The following PCDHGA6 variants were observed in gnomAD, a reference collection of about 807,000 sequenced individuals.
The protein encoded by PCDHGA6 is protocadherin gamma-A6.
PCDHGA6 carries 41 observed loss-of-function variants against 60.6 expected under a neutral mutation model. The observed-to-expected ratio is 0.68, with a 90% confidence interval of 0.53 to 0.88. PCDHGA6 has a LOEUF of 0.88. Ranked by LOEUF, PCDHGA6 falls within the 40% of genes least tolerant of loss-of-function variation. The pLI is 0.00. For missense variants in PCDHGA6, 1,312 were observed against 1,203.0 expected (o/e 1.09, Z -1.34); for synonymous variants, 594 against 524.4 (o/e 1.13, Z -1.81).
At chr5:141,452,895 A>G (rs527695680) in intron 1 of PCDHGA6, among the ~76,000 whole-genome samples, 16 of 152,312 alleles carry the variant, frequency 1.1e-4, no homozygotes, top group African/African-American at 3.6e-4. Flanking sequence ...TTCCACTTTT[A>G]TTAGTTGGCA....
intron 2 of PCDHGA6, among the ~76,000 whole-genome samples, chr5:141,499,099 C>T (rs1031964059): frequency 1.3e-5 from 2 of 152,156 alleles, no homozygotes; most frequent in Non-Finnish European, 2.9e-5. Context: ...ACATGCTTCT[C>T]CTCCCCACCA....
At position 141,489,063 on chromosome 5, in the gene PCDHGA6, C is replaced by A; in HGVS notation, c.2425-5744C>A. ...CTCCACTCAAATTCAGCTCCCCTCC[C>A]CCCTGCCCACCCCCGCCACTCGGTG... On this transcript the variant is annotated intron_variant, in intron 1 of 3. Coordinates refer to ENST00000517434, the MANE Select transcript of PCDHGA6 (RefSeq NM_018919.3). This position sits in a 1 kb window ranked among gnomAD's most constrained non-coding sequence, Gnocchi z 4.5. 2.6e-6 allele frequency: 1 copy of A among 384,986 alleles called. No individual in the cohort carries two copies. Among genetic ancestry groups the A allele is most frequent in the East Asian group, 4.5e-5 (1 of 22,374 alleles). 23.8% of individuals were successfully genotyped at this position (384,986 alleles called of 1,614,324 possible). A position where few individuals can be genotyped will look rare whatever the true frequency, so the allele number is the denominator to read the frequency against.
In PCDHGA6 at chr5:141,408,733, T is replaced by C. The variant is rs753545231; in HGVS notation, c.2424+32226T>C. The C allele has an allele frequency of 7.5e-6, 12 of 1,610,158 alleles. No individual in the cohort carries two copies. The South Asian group carries it at 1.3e-4, about 18-fold the overall frequency. Reference sequence around the variant, plus strand: ...ATTATAAGATAAACTCTAATCCTTATTTTTCATTAATGGTTAGAGTTAATT... The same window carrying C: ...ATTATAAGATAAACTCTAATCCTTACTTTTCATTAATGGTTAGAGTTAATT... On this transcript the variant is annotated intron_variant, in intron 1 of 3. Transcript: ENST00000517434.
At chr5:141,495,492 G>C (rs1321150765) in intron 2 of PCDHGA6, among the ~76,000 whole-genome samples, 1 of 152,148 alleles carries the variant, frequency 6.6e-6, no homozygotes, top group Non-Finnish European at 1.5e-5. Flanking sequence ...CCTTTTTCTT[G>C]AGTTTCCGTC....
chr5:141,491,293 C>T lies in PCDHGA6; in HGVS notation c.2425-3514C>T. On this transcript the variant is annotated intron_variant, in intron 1 of 3. Transcript: ENST00000517434. This position sits in a 1 kb window ranked among gnomAD's most constrained non-coding sequence, Gnocchi z 6.9. Reference sequence around the variant, plus strand: ...ATCCAGTGACTTCCTCATACACCCTCCTGAGCGTTCAGACCTTACCCTTTA... The same window carrying T: ...ATCCAGTGACTTCCTCATACACCCTTCTGAGCGTTCAGACCTTACCCTTTA... 6.2e-7 allele frequency: 1 copy of T among 1,614,166 alleles called. No homozygotes were observed. The highest frequency in any genetic ancestry group is 1.3e-5 in the African/African-American group (1 of 75,058).
chr5:141,418,908 C>G, intron 1 of PCDHGA6: 3 of 1,613,932 alleles, frequency 1.9e-6, no homozygotes, highest in Non-Finnish European at 2.5e-6. Flanking sequence ...ATAATCATCA[C>G]GTCACTCTCT....
chr5:141,484,236 G>C (rs1272971014), intron 1 of PCDHGA6, among the ~76,000 whole-genome samples: 2 of 152,132 alleles, frequency 1.3e-5, no homozygotes, highest in Non-Finnish European at 2.9e-5. Context: ...AAGAGATCTG[G>C]TCCTTAGCAC....
chr5:141,408,540 C>G (rs201370009), intron 1 of PCDHGA6: 4 of 1,613,928 alleles, frequency 2.5e-6, no homozygotes, highest in Non-Finnish European at 3.4e-6. Flanking sequence ...GTGGAAAATC[C>G]TTTAAATATT....
At chr5:141,396,406 G>A (rs1245754617) in intron 1 of PCDHGA6, 2 of 152,190 alleles carry the variant, frequency 1.3e-5, no homozygotes, top group African/African-American at 4.8e-5. Context: ...ATCACCTGAG[G>A]TCAGGAGTTC....
At position 141,491,682 on chromosome 5, in the gene PCDHGA6, G is replaced by A. The variant is rs11952292; in HGVS notation, c.2425-3125G>A. The A allele has an allele frequency of 1.9e-6, 3 of 1,613,150 alleles. No individual in the cohort carries two copies. Among genetic ancestry groups the A allele is most frequent in the South Asian group, 1.1e-5 (1 of 91,046 alleles). On this transcript the variant is annotated intron_variant, in intron 1 of 3. Coordinates refer to ENST00000517434, the MANE Select transcript of PCDHGA6 (RefSeq NM_018919.3). The surrounding 1 kb of genome is among the most constrained non-coding windows in gnomAD (Gnocchi z 6.9). Reference sequence around the variant, plus strand: ...ACGCCATCCGGTCCCGCTCTAATACGCTGCGGGAGCGGAGCCAGGTGAGGG... The same window carrying A: ...ACGCCATCCGGTCCCGCTCTAATACACTGCGGGAGCGGAGCCAGGTGAGGG...
At chr5:141,456,341 C>G (rs950158154) in intron 1 of PCDHGA6, among the ~76,000 whole-genome samples, 4 of 152,034 alleles carry the variant, frequency 2.6e-5, no homozygotes, top group Admixed American at 1.3e-4. Context: ...TAAGGGTCCT[C>G]GGAAGAATGG....
chr5:141,465,995 A>C lies in PCDHGA6; in HGVS notation c.2425-28812A>C, dbSNP rs551920109. On this transcript the variant is annotated intron_variant, in intron 1 of 3. Coordinates refer to ENST00000517434, the MANE Select transcript of PCDHGA6 (RefSeq NM_018919.3). ...AAATTAGCCGGGCATGGTGGCAGGC[A>C]CCTGTAGTCCCAGCTACTCGGGAGG... Among the ~76,000 whole-genome samples the C allele has an allele frequency of 1.3e-4, 20 of 151,982 alleles. No homozygotes were observed. In the South Asian group the frequency reaches 4.2e-3, roughly 32 times the overall value.
intron 1 of PCDHGA6, chr5:141,409,818 C>G (rs1027344375): frequency 3.7e-6 from 6 of 1,610,800 alleles, no homozygotes; most frequent in African/African-American, 1.3e-5. Flanking sequence ...GACCACGGCT[C>G]GCCCACGCTC....
intron 2 of PCDHGA6, among the ~76,000 whole-genome samples, chr5:141,504,741 T>C (rs968590796): frequency 2.6e-5 from 4 of 151,826 alleles, no homozygotes; most frequent in South Asian, 2.1e-4. Context: ...TAGGAAGCCA[T>C]TGAATTTTAG....
rs754034325 is a variant in PCDHGA6 at position 141,413,380 on chromosome 5, C to T, written c.2424+36873C>T. On this transcript the variant is annotated intron_variant, in intron 1 of 3. Coordinates refer to ENST00000517434, the MANE Select transcript of PCDHGA6 (RefSeq NM_018919.3). ...CCGGGAGCTGGCGGAGCGCGGAGTC[C>T]GCATAGTCTCCAGAGGTAGGACGCA... is the stretch of plus-strand genomic sequence containing the variant. 4 of 1,613,962 alleles carry T rather than the reference C, an allele frequency of 2.5e-6. No individual in the cohort carries two copies. In the Middle Eastern group the frequency reaches 5.0e-4, roughly 200 times the overall value.
At chr5:141,386,815 T>G (rs1043016890) in intron 1 of PCDHGA6, among the ~76,000 whole-genome samples, 22 of 152,220 alleles carry the variant, frequency 1.4e-4, no homozygotes, top group African/African-American at 4.8e-4. Context: ...TGCATAAAAT[T>G]GTTTTTAAGC....
intron 1 of PCDHGA6, among the ~76,000 whole-genome samples, chr5:141,438,788 A>G (rs1024095720): frequency 3.3e-5 from 5 of 149,742 alleles, no homozygotes; most frequent in Non-Finnish European, 7.4e-5. Flanking sequence ...CAGCCTCTCC[A>G]GTAGCTGGGA....
chr5:141,394,048 G>A (rs1285768639), intron 1 of PCDHGA6: 5 of 1,613,504 alleles, frequency 3.1e-6, no homozygotes, highest in South Asian at 1.1e-5. Context: ...TATTTGGACC[G>A]AGAAAATGTC....
intron 1 of PCDHGA6, chr5:141,395,489 A>T: frequency 4.2e-6 from 2 of 480,562 alleles, no homozygotes; most frequent in Non-Finnish European, 3.6e-6. Flanking sequence ...TCCTATTATC[A>T]CTCATTCACT....
Sources: gnomAD v4.1 joint callset for allele counts (sites outside exome capture counted in the v4.1 genomes callset) on GRCh38, gnomAD v4.1.1 for gene constraint, Gnocchi (gnomAD v3.1) non-coding constraint, MANE v1.5 for transcripts, NCBI Gene and HGNC (gene_info 2026-07-23, HGNC 2026-07-21) for gene names.